Variants in ARL15 observed in about 807,000 individuals in gnomAD.
ARL15 encodes ARF like GTPase 15.
Under a neutral mutation model 25.2 loss-of-function variants are expected in ARL15, and 19 were observed. That is an observed-to-expected ratio of 0.75 (90% confidence interval 0.53 to 1.10). The LOEUF is 1.10. ARL15 is among the 50% of genes least tolerant of loss of function. ARL15 has a pLI of 0.00. For synonymous variants in ARL15, 94 were observed against 86.8 expected, an observed-to-expected ratio of 1.08 and a Z score of -0.46; for missense variants, 220 against 246.0, an observed-to-expected ratio of 0.89 and a Z score of 0.71.
chr5:54,242,743 G>A (rs945811031), intron 1 of ARL15, among the ~76,000 whole-genome samples: 3 of 152,086 alleles, frequency 2.0e-5, no homozygotes, highest in African/African-American at 4.8e-5. Flanking sequence ...GAATGATGTC[G>A]CTCGTGCCTC....
chr5:53,925,323 G>A (rs1337307157), intron 4 of ARL15, among the ~76,000 whole-genome samples: 1 of 151,658 alleles, frequency 6.6e-6, no homozygotes, highest in Non-Finnish European at 1.5e-5. Context: ...AGCCTCCCTC[G>A]TAGCTGGGAC....
intron 1 of ARL15, among the ~76,000 whole-genome samples, chr5:54,176,057 G>A (rs895175802): frequency 2.6e-5 from 4 of 151,966 alleles, no homozygotes; most frequent in South Asian, 2.1e-4. Flanking sequence ...CTCCCCCTCC[G>A]TCTCCCCAAG....
intron 4 of ARL15, among the ~76,000 whole-genome samples, chr5:53,926,600 G>A (rs939509910): frequency 1.3e-5 from 2 of 152,162 alleles, no homozygotes; most frequent in African/African-American, 2.4e-5. Context: ...GAATTGACAT[G>A]ATAGCAAATT....
At chr5:54,014,876 T>G (rs1430225005) in intron 4 of ARL15, among the ~76,000 whole-genome samples, 4 of 152,178 alleles carry the variant, frequency 2.6e-5, no homozygotes, top group African/African-American at 9.7e-5. Flanking sequence ...CTGCCCTGTG[T>G]GCAAGTTAAT....
At chr5:53,991,316 C>T (rs1355237238) in intron 4 of ARL15, among the ~76,000 whole-genome samples, 1 of 151,940 alleles carries the variant, frequency 6.6e-6, no homozygotes. Flanking sequence ...CCGAGGCAGG[C>T]AGATCACCTG....
chr5:54,094,629 T>C (rs1163391578), intron 4 of ARL15, among the ~76,000 whole-genome samples: 1 of 152,210 alleles, frequency 6.6e-6, no homozygotes, highest in Non-Finnish European at 1.5e-5. Flanking sequence ...TGATTCATTT[T>C]ACCTACCTCT....
At chr5:54,020,241 C>G (rs1056266953) in intron 4 of ARL15, among the ~76,000 whole-genome samples, 2 of 152,174 alleles carry the variant, frequency 1.3e-5, no homozygotes, top group African/African-American at 4.8e-5. Flanking sequence ...GTCCTTTCCC[C>G]TCCTTACAGG....
chr5:54,308,227 TA>T (rs2112728246), intron 1 of ARL15, among the ~76,000 whole-genome samples: 1 of 152,318 alleles, frequency 6.6e-6, no homozygotes, highest in South Asian at 2.1e-4. Context: ...CCATCCAGTT[TA>T]ATGCTAAAGA....
At chr5:53,966,825 T>C (rs1747580246) in intron 4 of ARL15, among the ~76,000 whole-genome samples, 1 of 152,166 alleles carries the variant, frequency 6.6e-6, no homozygotes, top group East Asian at 1.9e-4. Flanking sequence ...TCCCCGCAAA[T>C]ATGTGAGACA....
chr5:54,042,586 T>A (rs1750375597), intron 4 of ARL15, among the ~76,000 whole-genome samples: 1 of 152,218 alleles, frequency 6.6e-6, no homozygotes, highest in Non-Finnish European at 1.5e-5. Flanking sequence ...TTGACAGGTC[T>A]CTACCCCAAT....
chr5:54,050,135 C>T (rs1750661592), intron 4 of ARL15, among the ~76,000 whole-genome samples: 1 of 152,190 alleles, frequency 6.6e-6, no homozygotes, highest in Non-Finnish European at 1.5e-5. Flanking sequence ...AAAATAGCAG[C>T]AGCTACATAT....
chr5:54,196,256 C>G (rs1248596845), intron 1 of ARL15, among the ~76,000 whole-genome samples: 2 of 152,034 alleles, frequency 1.3e-5, no homozygotes, highest in African/African-American at 4.8e-5. Flanking sequence ...GCACATTCAT[C>G]AAAAAGATCA....
intron 4 of ARL15, among the ~76,000 whole-genome samples, chr5:53,887,919 G>A (rs1210094735): frequency 6.6e-6 from 1 of 152,080 alleles, no homozygotes; most frequent in Non-Finnish European, 1.5e-5. Flanking sequence ...GTATTAATAT[G>A]TTTGTACATT....
intron 4 of ARL15, among the ~76,000 whole-genome samples, chr5:54,094,225 T>C (rs920474400): frequency 1.2e-4 from 19 of 152,318 alleles, no homozygotes; most frequent in African/African-American, 3.6e-4. Context: ...ATATGGCTTT[T>C]ATTTGGATTG....
At chr5:53,897,232 A>C (rs1376670542) in intron 4 of ARL15, among the ~76,000 whole-genome samples, 1 of 152,232 alleles carries the variant, frequency 6.6e-6, no homozygotes, top group Non-Finnish European at 1.5e-5. Context: ...TGAACCATTA[A>C]TAGTCATCCC....
At chr5:53,938,451 C>G (rs1021306795) in intron 4 of ARL15, among the ~76,000 whole-genome samples, 1 of 152,226 alleles carries the variant, frequency 6.6e-6, no homozygotes, top group African/African-American at 2.4e-5. Context: ...CATTGTCTTA[C>G]CAATAACCTT....
intron 4 of ARL15, among the ~76,000 whole-genome samples, chr5:54,085,587 T>C (rs1315944232): frequency 6.6e-6 from 1 of 152,194 alleles, no homozygotes; most frequent in East Asian, 1.9e-4. Context: ...ACAAATATTT[T>C]TATTAGTATT....
chr5:54,031,042 T>A (rs966831558), intron 4 of ARL15, among the ~76,000 whole-genome samples: 15 of 152,196 alleles, frequency 9.9e-5, no homozygotes, highest in African/African-American at 3.6e-4. Flanking sequence ...GAAGCTACTA[T>A]GTACAGATGG....
At chr5:54,177,011 C>A (rs540950511) in intron 1 of ARL15, among the ~76,000 whole-genome samples, 1 of 152,136 alleles carries the variant, frequency 6.6e-6, no homozygotes, top group African/African-American at 2.4e-5. Flanking sequence ...TCCCCACTCC[C>A]CTGGTAGCAG....
Sources: gnomAD v4.1 joint callset for allele counts (sites outside exome capture counted in the v4.1 genomes callset) on GRCh38, gnomAD v4.1.1 for gene constraint, MANE v1.5 for transcripts, NCBI Gene and HGNC (gene_info 2026-07-23, HGNC 2026-07-21) for gene names.